Variants in NEGR1 observed in about 807,000 individuals in gnomAD.
NEGR1 encodes the protein IgLON family member 4.
In NEGR1, 10 loss-of-function variants were observed where a neutral mutation model predicts 40.9. The ratio of observed to expected loss-of-function variants is 0.24; its 90% confidence interval spans 0.15 to 0.42. The LOEUF is 0.42. NEGR1 is among the 10% of genes least tolerant of loss of function. NEGR1 has a pLI of 1.00. For synonymous variants in NEGR1, 185 were observed against 166.8 expected (o/e 1.11, Z -0.84); for missense variants, 352 against 438.9 (o/e 0.80, Z 1.77).
At chr1:71,651,442 G>A (rs1225705208) in intron 4 of NEGR1, among the ~76,000 whole-genome samples, 1 of 152,182 alleles carries the variant, frequency 6.6e-6, no homozygotes, top group Non-Finnish European at 1.5e-5. Flanking sequence ...AGTAAGAAAT[G>A]CAGAGTCTAT....
At chr1:71,658,717 T>C (rs1651952932) in intron 4 of NEGR1, among the ~76,000 whole-genome samples, 1 of 152,198 alleles carries the variant, frequency 6.6e-6, no homozygotes. Context: ...TTTCTGAAAG[T>C]ATATACCCTT....
At chr1:71,941,512 A>G (rs1409506786) in intron 1 of NEGR1, among the ~76,000 whole-genome samples, 1 of 152,120 alleles carries the variant, frequency 6.6e-6, no homozygotes, top group Non-Finnish European at 1.5e-5. Flanking sequence ...CTACTCAGAC[A>G]CAGAAATGGT....
chr1:71,747,278 A>G (rs1288202283), intron 3 of NEGR1, among the ~76,000 whole-genome samples: 1 of 152,200 alleles, frequency 6.6e-6, no homozygotes, highest in Non-Finnish European at 1.5e-5. Flanking sequence ...ACAGGATCAG[A>G]TATCATAGAT....
At chr1:71,672,914 G>T (rs1294893780) in intron 4 of NEGR1, among the ~76,000 whole-genome samples, 1 of 152,044 alleles carries the variant, frequency 6.6e-6, no homozygotes, top group Non-Finnish European at 1.5e-5. Flanking sequence ...GACATTGTGG[G>T]ATTTGAACCC....
chr1:71,780,655 T>C (rs1173114002), intron 2 of NEGR1, among the ~76,000 whole-genome samples: 4 of 152,240 alleles, frequency 2.6e-5, no homozygotes, highest in African/African-American at 4.8e-5. Context: ...CTTGCATTCA[T>C]AACATGCTTT....
chr1:71,474,198 G>C (rs1646802883), intron 6 of NEGR1, among the ~76,000 whole-genome samples: 1 of 151,700 alleles, frequency 6.6e-6, no homozygotes, highest in Non-Finnish European at 1.5e-5. Flanking sequence ...CAGAGGGAAG[G>C]TGAAAGAAAC....
chr1:71,745,902 T>A (rs577771004), intron 3 of NEGR1, among the ~76,000 whole-genome samples: 10 of 152,200 alleles, frequency 6.6e-5, no homozygotes, highest in African/African-American at 2.4e-5. Context: ...GGCCATAAAG[T>A]AATTAAGATG....
intron 1 of NEGR1, among the ~76,000 whole-genome samples, chr1:72,050,404 A>G (rs993963467): frequency 7.3e-5 from 11 of 151,538 alleles, no homozygotes; most frequent in Admixed American, 6.6e-4. Context: ...GAAGATTTGA[A>G]TAATTATTTT....
chr1:71,845,308 CATAA>C (rs1168378323), intron 2 of NEGR1, among the ~76,000 whole-genome samples: 2 of 151,846 alleles, frequency 1.3e-5, no homozygotes, highest in Non-Finnish European at 2.9e-5. Flanking sequence ...CCAATTTGTG[CATAA>C]ATAAGAAGGC....
At chr1:71,486,875 TAC>T (rs1408152892) in intron 6 of NEGR1, 5 of 151,562 alleles carry the variant, frequency 3.3e-5, no homozygotes, top group Non-Finnish European at 5.9e-5. Context: ...TTAAAATTCA[TAC>T]AGTCTCTAAA....
intron 1 of NEGR1, among the ~76,000 whole-genome samples, chr1:71,941,143 A>G (rs531145199): frequency 1.4e-4 from 21 of 152,264 alleles, no homozygotes; most frequent in Admixed American, 6.5e-4. Context: ...ATTGCATCAT[A>G]AAGTCCTAAA....
chr1:72,011,448 G>T (rs539737532), intron 1 of NEGR1, among the ~76,000 whole-genome samples: 25 of 152,060 alleles, frequency 1.6e-4, no homozygotes, highest in African/African-American at 5.3e-4. Context: ...ATATTACAAG[G>T]GAAACTTGGA....
At chr1:71,928,444 A>ATATACACATATG (rs1557439337) in intron 2 of NEGR1, among the ~76,000 whole-genome samples, 1 of 87,746 alleles carries the variant, frequency 1.1e-5, no homozygotes, top group Non-Finnish European at 2.4e-5. Flanking sequence ...ATACACATAT[A>ATATACACATATG]TATGTATATA....
At chr1:71,958,641 G>A (rs551715700) in intron 1 of NEGR1, among the ~76,000 whole-genome samples, 1 of 152,192 alleles carries the variant, frequency 6.6e-6, no homozygotes, top group East Asian at 1.9e-4. Context: ...CAGCTGACAA[G>A]AACTAATTCT....
At chr1:71,753,950 G>T (rs1655649818) in intron 3 of NEGR1, among the ~76,000 whole-genome samples, 1 of 151,010 alleles carries the variant, frequency 6.6e-6, no homozygotes, top group Non-Finnish European at 1.5e-5. Flanking sequence ...GCAATAAACT[G>T]CCAGGTGACA....
At chr1:71,986,374 C>T (rs1315564648) in intron 1 of NEGR1, among the ~76,000 whole-genome samples, 1 of 152,134 alleles carries the variant, frequency 6.6e-6, no homozygotes, top group Non-Finnish European at 1.5e-5. Flanking sequence ...TTCGTTTCTA[C>T]TTCTTTGAAC....
chr1:71,610,407 T>C (rs994671379), intron 5 of NEGR1, among the ~76,000 whole-genome samples: 1 of 152,210 alleles, frequency 6.6e-6, no homozygotes, highest in Non-Finnish European at 1.5e-5. Flanking sequence ...TCAAGTCCTG[T>C]CTTATCTTAT....
At chr1:71,805,332 C>T (rs1470593980) in intron 2 of NEGR1, among the ~76,000 whole-genome samples, 3 of 152,100 alleles carry the variant, frequency 2.0e-5, no homozygotes, top group Admixed American at 6.5e-5. Context: ...TGTACACTCC[C>T]TCCCCTTTTG....
chr1:72,013,263 TCA>T (rs1453196828), intron 1 of NEGR1, among the ~76,000 whole-genome samples: 1 of 152,100 alleles, frequency 6.6e-6, no homozygotes, highest in African/African-American at 2.4e-5. Flanking sequence ...GTTACATTCC[TCA>T]CTCTTCTGTT....
Sources: allele counts gnomAD v4.1 joint callset (sites outside exome capture counted in the v4.1 genomes callset), GRCh38; gene constraint gnomAD v4.1.1; transcripts MANE v1.5; gene names NCBI Gene and HGNC (gene_info 2026-07-23, HGNC 2026-07-21).